Variants in CDK2 observed in about 807,000 individuals in gnomAD.
CDK2 encodes cyclin dependent kinase 2.
In CDK2, 8 loss-of-function variants were observed where a neutral mutation model predicts 35.0. That is an observed-to-expected ratio of 0.23 (90% confidence interval 0.13 to 0.41). The LOEUF (loss-of-function observed/expected upper bound fraction) is 0.41. CDK2 is among the 10% of genes least tolerant of loss of function. The pLI, the probability that CDK2 is intolerant of heterozygous loss-of-function variation, is 1.00. For missense variants in CDK2, 201 were observed against 367.1 expected, an observed-to-expected ratio of 0.55 and a Z score of 3.70; for synonymous variants, 134 against 137.7, an observed-to-expected ratio of 0.97 and a Z score of 0.19.
chr12:55,972,503 G>C lies in CDK2; in HGVS notation c.*878G>C, dbSNP rs1889505758. The C allele has an allele frequency of 6.6e-6, 1 of 151,880 alleles. No individual in the cohort carries two copies. The highest frequency in any genetic ancestry group is 1.5e-5 in the Non-Finnish European group (1 of 68,000). The allele number at this position is 151,880 out of a possible 1,614,324, so 9.4% of individuals were successfully genotyped here. ...CACTTTTTCAGGGCTGTGATTGAGT[G>C]AGGGCATGGGTAAAAATATTTCTTT... On this transcript the variant is annotated 3_prime_UTR_variant, in exon 7 of 7. Transcript: ENST00000266970.
At chr12:55,967,804 G>A (rs912392769) in intron 1 of CDK2, 53 bp from the exon 2 acceptor site, 2 of 1,455,562 alleles carry the variant, frequency 1.4e-6, no homozygotes, top group Non-Finnish European at 1.9e-6. Flanking sequence ...AGGTGGGGGG[G>A]AAAGGAATAT....
In CDK2 at chr12:55,971,148, T is replaced by C; in HGVS notation, c.693T>C (p.Thr231=). The C allele has an allele frequency of 6.2e-7, 1 of 1,614,130 alleles. No individual in the cohort carries two copies. The highest frequency in any genetic ancestry group is 8.5e-7 in the Non-Finnish European group (1 of 1,180,016). ...ATGAGGTGGTGTGGCCAGGAGTTAC[T>C]TCTATGCCTGATTACAAGCCAAGTT... The part of the protein sequence containing the change: ...TPDEVVWPGV[T]SMPDYKPSFP... Residue 231 remains threonine, a synonymous_variant, in exon 6 of 7, where the codon ACT becomes ACC. Transcript: ENST00000266970.
Position 55,972,481 on chromosome 12 carries a change from T to G in CDK2, c.*856T>G, listed in dbSNP as rs1435175854. On this transcript the variant is annotated 3_prime_UTR_variant, in exon 7 of 7. Coordinates refer to ENST00000266970, the MANE Select transcript of CDK2 (RefSeq NM_001798.5). The stretch of plus-strand genomic sequence containing the variant: ...GGCATCATTTTGAGAATGCTGACAC[T>G]TTTTCAGGGCTGTGATTGAGTGAGG... 1 of 152,150 alleles carries G rather than the reference T, an allele frequency of 6.6e-6. No homozygotes were observed. The highest frequency in any genetic ancestry group is 1.5e-5 in the Non-Finnish European group (1 of 68,034). 9.4% of individuals were successfully genotyped at this position (152,150 alleles called of 1,614,324 possible). A position where few individuals can be genotyped will look rare whatever the true frequency, so the allele number is the denominator to read the frequency against.
Position 55,971,886 on chromosome 12 carries a change from G to T in CDK2, c.*261G>T. 1 of 428,390 alleles carries T rather than the reference G, an allele frequency of 2.3e-6. No individual in the cohort carries two copies. Among genetic ancestry groups the T allele is most frequent in the Non-Finnish European group, 4.1e-6 (1 of 241,536 alleles). The allele number at this position is 428,390 out of a possible 1,614,324, so 26.5% of individuals were successfully genotyped here. On this transcript the variant is annotated 3_prime_UTR_variant, in exon 7 of 7. Transcript: ENST00000266970. ...CCTTCTCTTAGTTATTGCTGAAGAG[G>T]GTTGGTATAAAAATAATTTTAAAAA...
chr12:55,971,420 C>T (rs1889471153), intron 6 of CDK2, 101 bp from the exon 7 acceptor site: 3 of 1,131,998 alleles, frequency 2.7e-6, no homozygotes, highest in Non-Finnish European at 2.7e-6. Context: ...AGAATTCTGC[C>T]TTGGGTAGAA....
At chr12:55,970,323 A>G (rs1301186407) in intron 5 of CDK2, among the ~76,000 whole-genome samples, 3 of 140,616 alleles carry the variant, frequency 2.1e-5, no homozygotes, top group Non-Finnish European at 4.7e-5. Context: ...AAAAAGATTT[A>G]GATCATGTTC....
chr12:55,967,460 G>C, intron 1 of CDK2: 1 of 420,556 alleles, frequency 2.4e-6, no homozygotes, highest in South Asian at 3.2e-5. Context: ...GAACCGGCGA[G>C]AATCGCCTTT....
Position 55,970,658 on chromosome 12 carries a change from C to CAT in CDK2, c.589-385_589-384insTA, listed in dbSNP as rs749396750. 23 of 702,248 alleles carry CAT rather than the reference C, an allele frequency of 3.3e-5. No homozygotes were observed. In the South Asian group the frequency reaches 3.4e-4, roughly 10 times the overall value. 43.5% of individuals were successfully genotyped at this position (702,248 alleles called of 1,614,324 possible). A position where few individuals can be genotyped will look rare whatever the true frequency, so the allele number is the denominator to read the frequency against. On this transcript the variant is annotated intron_variant, in intron 5 of 6. Coordinates refer to ENST00000266970, the MANE Select transcript of CDK2 (RefSeq NM_001798.5). The stretch of plus-strand genomic sequence containing the variant: ...TGGGGAACACAGAAGAAATGGAAGA[C>CAT]AGAGTCTCTGCCCGCTGTGCTCGTA...
In CDK2 at chr12:55,968,623, C is replaced by G. The variant is rs1168748817; in HGVS notation, c.316-155C>G. ...AATTGAGTAAGACTTGGTCCTTATC[C>G]TCTCTGGGCTGACAGTCCATTGGGA... On this transcript the variant is annotated intron_variant, in intron 3 of 6. Transcript: ENST00000266970. 6.6e-5 allele frequency among the ~76,000 whole-genome samples: 10 copies of G among 152,258 alleles called. No homozygotes were observed. The East Asian group carries it at 1.9e-3, about 29-fold the overall frequency.
At chr12:55,967,177 C>G (rs1416743951) in intron 1 of CDK2, 53 bp downstream of exon 1, 10 of 1,339,570 alleles carry the variant, frequency 7.5e-6, no homozygotes, top group Non-Finnish European at 1.1e-5. Flanking sequence ...TTGATTGTCC[C>G]CCCCAACCCC....
chr12:55,967,284 A>G (rs2136456777), intron 1 of CDK2, 160 bp downstream of exon 1: 3 of 630,922 alleles, frequency 4.8e-6, no homozygotes, highest in Non-Finnish European at 8.5e-6. Context: ...GGTGAAGAGT[A>G]TACTTATACT....
chr12:55,971,022 T>C, intron 5 of CDK2, 22 bp from the exon 6 acceptor site: 1 of 1,608,226 alleles, frequency 6.2e-7, no homozygotes, highest in Non-Finnish European at 8.5e-7. Flanking sequence ...GGTCTTGGTA[T>C]TTCCTCTTTC....
At position 55,971,630 on chromosome 12, in the gene CDK2, C is replaced by T. The variant is rs778384377; in HGVS notation, c.*5C>T. On this transcript the variant is annotated 3_prime_UTR_variant, in exon 7 of 7. Transcript: ENST00000266970. ...GTACCCCATCTTCGACTCTGATAGCCTTCTTGAAGCCCCCAGCCCTAATCT... is the reference window on the plus strand; with the variant it reads ...GTACCCCATCTTCGACTCTGATAGCTTTCTTGAAGCCCCCAGCCCTAATCT... 1.9e-6 allele frequency: 3 copies of T among 1,596,126 alleles called. No homozygotes were observed. The highest frequency in any genetic ancestry group is 2.6e-6 in the Non-Finnish European group (3 of 1,163,490).
In CDK2 at chr12:55,971,663, T is replaced by G. The variant is rs1889479996; in HGVS notation, c.*38T>G. On this transcript the variant is annotated 3_prime_UTR_variant, in exon 7 of 7. Coordinates refer to ENST00000266970, the MANE Select transcript of CDK2 (RefSeq NM_001798.5). ...AGCCCCCAGCCCTAATCTCACCCTC[T>G]CCTCCAGTGTGGGCTTGACCAGGCT... 6.8e-7 allele frequency: 1 copy of G among 1,461,366 alleles called. No individual in the cohort carries two copies. Among genetic ancestry groups the G allele is most frequent in the Non-Finnish European group, 9.6e-7 (1 of 1,040,860 alleles). 90.5% of individuals were successfully genotyped at this position (1,461,366 alleles called of 1,614,324 possible).
At position 55,971,801 on chromosome 12, in the gene CDK2, G is replaced by T; in HGVS notation, c.*176G>T. The T allele has an allele frequency of 1.8e-6, 1 of 569,466 alleles. No individual in the cohort carries two copies. The highest frequency in any genetic ancestry group is 2.2e-5 in the South Asian group (1 of 44,768). The allele number at this position is 569,466 out of a possible 1,614,324, so 35.3% of individuals were successfully genotyped here. On this transcript the variant is annotated 3_prime_UTR_variant, in exon 7 of 7. Coordinates refer to ENST00000266970, the MANE Select transcript of CDK2 (RefSeq NM_001798.5). ...ACAGGGGTGAAAGGGGGGAACCAGT[G>T]AAAATGAAAGGAAGTTTCAGTATTA...
At chr12:55,971,300 T>C in intron 6 of CDK2, 53 bp downstream of exon 6, 1 of 1,552,106 alleles carries the variant, frequency 6.4e-7, no homozygotes, top group Non-Finnish European at 8.9e-7. Flanking sequence ...GAAGGGCTTT[T>C]CCAGGATGAA....
rs1361240951 is a variant in CDK2 at position 55,971,452 on chromosome 12, C to G, written c.793-69C>G. The stretch of plus-strand genomic sequence containing the variant: ...AGAAGGAGTTCTGGTTTCCTGATTT[C>G]TGGGAACACCTGCTGCCCATTTAGT... On this transcript the variant is annotated intron_variant, in intron 6 of 6. Transcript: ENST00000266970. 8.6e-6 allele frequency: 11 copies of G among 1,278,834 alleles called. No homozygotes were observed. In the Admixed American group the frequency reaches 1.9e-4, roughly 22 times the overall value. The allele number at this position is 1,278,834 out of a possible 1,614,324, so 79.2% of individuals were successfully genotyped here.
At chr12:55,967,751 T>A (rs1592782046) in intron 1 of CDK2, 106 bp from the exon 2 acceptor site, 1 of 888,000 alleles carries the variant, frequency 1.1e-6, no homozygotes. Flanking sequence ...CTCACTTTCC[T>A]AGGGGGTGCT....
In CDK2 at chr12:55,967,953, G is replaced by C. The variant is rs1202785711; in HGVS notation, c.194+19G>C. 6.2e-7 allele frequency: 1 copy of C among 1,613,592 alleles called. No individual in the cohort carries two copies. Among genetic ancestry groups the C allele is most frequent in the Non-Finnish European group, 8.5e-7 (1 of 1,179,544 alleles). The stretch of plus-strand genomic sequence containing the variant: ...TTGTCAAGTAAGTATGCGTCTGAGA[G>C]GTGATCCAGCTGGAAAGGAGGATAA... On this transcript the variant is annotated intron_variant, in intron 2 of 6. Transcript: ENST00000266970.
Sources: allele counts gnomAD v4.1 joint callset (sites outside exome capture counted in the v4.1 genomes callset), GRCh38; gene constraint gnomAD v4.1.1; transcripts MANE v1.5; gene names NCBI Gene and HGNC (gene_info 2026-07-23, HGNC 2026-07-21).